The following RREB1 variants were observed in gnomAD, a reference collection of about 807,000 sequenced individuals.
RREB1 encodes ras responsive element binding protein 1.
In RREB1, 27 loss-of-function variants were observed where a neutral mutation model predicts 117.8. That is an observed-to-expected ratio of 0.23 (90% CI 0.17 to 0.32). The LOEUF (loss-of-function observed/expected upper bound fraction) is 0.32. Among genes scored for constraint, RREB1 ranks in the 10% least tolerant of loss-of-function variants. RREB1 has a pLI of 1.00. For synonymous variants in RREB1, 1,298 were observed against 1,026.7 expected, an observed-to-expected ratio of 1.26 and a Z score of -5.05; for missense variants, 2,577 against 2,378.2, an observed-to-expected ratio of 1.08 and a Z score of -1.74.
intron 1 of RREB1, among the ~76,000 whole-genome samples, chr6:7,129,267 G>A (rs1762060183): frequency 1.3e-5 from 2 of 152,332 alleles, no homozygotes; most frequent in South Asian, 4.1e-4. Flanking sequence ...AGTTTACAGT[G>A]TAATTTGGTG....
chr6:7,137,802 C>T (rs191735277), intron 1 of RREB1, among the ~76,000 whole-genome samples: 4 of 152,210 alleles, frequency 2.6e-5, no homozygotes, highest in Non-Finnish European at 4.4e-5. Flanking sequence ...TCTCCCTGCC[C>T]TGGAGCTGCA....
At chr6:7,199,596 T>C (rs1765837321) in intron 6 of RREB1, among the ~76,000 whole-genome samples, 2 of 152,202 alleles carry the variant, frequency 1.3e-5, no homozygotes, top group Middle Eastern at 3.2e-3. Context: ...TTTTGATTGC[T>C]TGTTCTATGA....
At chr6:7,171,156 C>T (rs1260585552) in intron 1 of RREB1, among the ~76,000 whole-genome samples, 2 of 152,138 alleles carry the variant, frequency 1.3e-5, no homozygotes, top group Non-Finnish European at 2.9e-5. Flanking sequence ...TTGGCTGCTT[C>T]TAGAACACAA....
At chr6:7,172,368 G>T (rs1764255793) in intron 1 of RREB1, among the ~76,000 whole-genome samples, 1 of 151,784 alleles carries the variant, frequency 6.6e-6, no homozygotes. Flanking sequence ...CTGCACTTTT[G>T]TCTTGAATGT....
At chr6:7,201,831 CTG>C (rs1766003274) in intron 6 of RREB1, among the ~76,000 whole-genome samples, 1 of 152,126 alleles carries the variant, frequency 6.6e-6, no homozygotes, top group African/African-American at 2.4e-5. Flanking sequence ...GGTGGGAAAA[CTG>C]AGGTCTGCCA....
intron 1 of RREB1, among the ~76,000 whole-genome samples, chr6:7,123,016 G>A (rs1761743840): frequency 6.6e-6 from 1 of 152,164 alleles, no homozygotes; most frequent in African/African-American, 2.4e-5. Flanking sequence ...TTAAACATTT[G>A]TGTTTTTGCC....
At chr6:7,171,880 C>T (rs759538589) in intron 1 of RREB1, among the ~76,000 whole-genome samples, 14 of 151,250 alleles carry the variant, frequency 9.3e-5, no homozygotes, top group Admixed American at 6.6e-5. Flanking sequence ...GCGACGGGGC[C>T]AGAAGGTGGA....
At chr6:7,211,233 G>T (rs1766568733) in intron 7 of RREB1, among the ~76,000 whole-genome samples, 1 of 149,154 alleles carries the variant, frequency 6.7e-6, no homozygotes, top group African/African-American at 2.5e-5. Flanking sequence ...TAAGCATTCG[G>T]GACTCTTTTG....
chr6:7,124,378 A>G (rs1438010744), intron 1 of RREB1, among the ~76,000 whole-genome samples: 1 of 152,166 alleles, frequency 6.6e-6, no homozygotes, highest in Non-Finnish European at 1.5e-5. Flanking sequence ...TGTCATTGTT[A>G]TCTTTGCAGG....
Position 7,211,799 on chromosome 6 carries a change from C to G in RREB1, c.707+90C>G. The stretch of plus-strand genomic sequence containing the variant: ...AAGTCCCGTTACTCCACACCGGGCT[C>G]CAGTGATTGAACTTGGGCACAACAA... On this transcript the variant is annotated intron_variant, in intron 8 of 12. Transcript: ENST00000379938. 2.2e-6 allele frequency: 3 copies of G among 1,353,328 alleles called. No homozygotes were observed. In the South Asian group the frequency reaches 3.9e-5, roughly 17 times the overall value. The allele number at this position is 1,353,328 out of a possible 1,614,324, so 83.8% of individuals were successfully genotyped here. A position where few individuals can be genotyped will look rare whatever the true frequency, so the allele number is the denominator to read the frequency against.
Position 7,177,288 on chromosome 6 carries a change from G to A in RREB1, c.-166+515G>A, listed in dbSNP as rs957709462. On this transcript the variant is annotated intron_variant, in intron 2 of 12. Transcript: ENST00000379938. ...ATAACTTGTTAGTTCTTGATCTGAT[G>A]GGCCTGAAATGTGGGATGAGAAAGG... 4.0e-5 allele frequency among the ~76,000 whole-genome samples: 6 copies of A among 149,556 alleles called. 1 individual carries two copies. The highest frequency in any genetic ancestry group is 1.5e-4 in the African/African-American group (6 of 40,804).
intron 1 of RREB1, among the ~76,000 whole-genome samples, chr6:7,117,731 ATTTTTAT>A (rs1174606830): frequency 6.6e-6 from 1 of 151,822 alleles, no homozygotes; most frequent in African/African-American, 2.4e-5. Flanking sequence ...TAAACAATGA[ATTTTTAT>A]TTTTTATTTT....
At chr6:7,189,851 A>G (rs1348122484) in intron 6 of RREB1, among the ~76,000 whole-genome samples, 3 of 152,204 alleles carry the variant, frequency 2.0e-5, no homozygotes, top group Admixed American at 6.5e-5. Flanking sequence ...AGAGAGAAAG[A>G]TGCTCACTCA....
Position 7,231,126 on chromosome 6 carries a change from G to A in RREB1, c.3027G>A (p.Gln1009=), listed in dbSNP as rs1581576149. The A allele has an allele frequency of 6.2e-7, 1 of 1,612,836 alleles. No individual in the cohort carries two copies. The highest frequency in any genetic ancestry group is 8.5e-7 in the Non-Finnish European group (1 of 1,179,948). Reference sequence around the variant, plus strand: ...CGGAACCCCCAGCACAGCCCCTGCAGGGCCCTGTTCAGCTGGCGGTCCCAA... The same window carrying A: ...CGGAACCCCCAGCACAGCCCCTGCAAGGCCCTGTTCAGCTGGCGGTCCCAA... ...ATPEPPAQPL[Q]GPVQLAVPIY... The change falls in exon 10 of 13, where the codon CAG becomes CAA. Residue 1009 remains glutamine, a synonymous_variant. Coordinates refer to ENST00000379938, the MANE Select transcript of RREB1 (RefSeq NM_001003699.4).
At chr6:7,193,941 C>A (rs1765539593) in intron 6 of RREB1, among the ~76,000 whole-genome samples, 1 of 149,166 alleles carries the variant, frequency 6.7e-6, no homozygotes, top group Admixed American at 6.6e-5. Context: ...TTTTGTGTCA[C>A]TTTGCATATT....
intron 11 of RREB1, among the ~76,000 whole-genome samples, 186 bp downstream of exon 11, chr6:7,240,788 G>C (rs1255468604): frequency 3.9e-5 from 6 of 152,140 alleles, no homozygotes; most frequent in African/African-American, 1.4e-4. Context: ...ATAACTCCTG[G>C]GTCAGATCGC....
At chr6:7,145,681 T>C (rs1231345417) in intron 1 of RREB1, among the ~76,000 whole-genome samples, 2 of 151,490 alleles carry the variant, frequency 1.3e-5, no homozygotes, top group African/African-American at 4.9e-5. Flanking sequence ...GGAGGAGAAT[T>C]GGGAGATGGA....
intron 8 of RREB1, among the ~76,000 whole-genome samples, chr6:7,222,317 G>A (rs1204337979): frequency 6.6e-6 from 1 of 152,008 alleles, no homozygotes; most frequent in African/African-American, 2.4e-5. Context: ...TTTTTAACAA[G>A]GTCATGTGGG....
chr6:7,228,266 G>C (rs1581569185), intron 9 of RREB1, among the ~76,000 whole-genome samples: 1 of 151,952 alleles, frequency 6.6e-6, no homozygotes, highest in South Asian at 2.1e-4. Flanking sequence ...CAATCATAGA[G>C]GGGTAGGGTA....
Sources: allele counts gnomAD v4.1 joint callset (sites outside exome capture counted in the v4.1 genomes callset), GRCh38; gene constraint gnomAD v4.1.1; transcripts MANE v1.5; gene names NCBI Gene and HGNC (gene_info 2026-07-23, HGNC 2026-07-21).